The following DHTKD1 variants were observed in gnomAD, a reference collection of about 807,000 sequenced individuals.
DHTKD1 encodes dehydrogenase E1 and transketolase domain containing 1.
A neutral mutation model predicts 101.8 loss-of-function variants in DHTKD1; 78 were observed. The ratio of observed to expected loss-of-function variants is 0.77; its 90% CI spans 0.64 to 0.93. DHTKD1 has a LOEUF of 0.93. Ranked by LOEUF, DHTKD1 falls within the 40% of genes least tolerant of loss-of-function variation. The pLI is 0.00. For missense variants in DHTKD1, 1,223 were observed against 1,161.7 expected (o/e 1.05, Z -0.77); for synonymous variants, 462 against 450.3 (o/e 1.03, Z -0.33).
In DHTKD1 at chr10:12,118,903, T is replaced by A. The variant is rs1361253940; in HGVS notation, c.2557T>A (p.Tyr853Asn). 1 of 1,579,666 alleles carries A rather than the reference T, an allele frequency of 6.3e-7. No homozygotes were observed. Among genetic ancestry groups the A allele is most frequent in the East Asian group, 2.3e-5 (1 of 42,628 alleles). Residue 853 changes from tyrosine to asparagine, a missense_variant, in exon 15 of 17, where the codon TAC becomes AAC. By Grantham distance (143) the Tyr-to-Asn change is moderately radical. Transcript: ENST00000263035. ...TTCTTTACAGCAAGAGATGAGCAAA[T>A]ACAAACATGTTAAAGGTAAGAGGTT... ...LDSLQQEMSK[Y>N]KHVKDHIWSQ...
chr10:12,103,129 A>G lies in DHTKD1; in HGVS notation c.1896+1948A>G, dbSNP rs977557479. 1.3e-5 allele frequency among the ~76,000 whole-genome samples: 2 copies of G among 152,122 alleles called. No individual in the cohort carries two copies. Among genetic ancestry groups the G allele is most frequent in the Non-Finnish European group, 2.9e-5 (2 of 68,028 alleles). ...TCCCAGCTACTCAGGAGGTTGAGGCAGGAGAATTGCTTGAACCCAGGAGGC... is the reference window on the plus strand; with the variant it reads ...TCCCAGCTACTCAGGAGGTTGAGGCGGGAGAATTGCTTGAACCCAGGAGGC... On this transcript the variant is annotated intron_variant, in intron 10 of 16. Coordinates refer to ENST00000263035, the MANE Select transcript of DHTKD1 (RefSeq NM_018706.7). The surrounding 1 kb of genome is among the most constrained non-coding windows in gnomAD (Gnocchi z 4.8).
At chr10:12,119,143 A>G (rs1329903465) in intron 15 of DHTKD1, among the ~76,000 whole-genome samples, 17 of 141,444 alleles carry the variant, frequency 1.2e-4, no homozygotes, top group South Asian at 2.2e-4. Flanking sequence ...CGTCTCTACT[A>G]AAAGTACAAA....
At chr10:12,117,635 T>C in intron 13 of DHTKD1, 38 bp from the exon 14 acceptor site, 1 of 1,244,626 alleles carries the variant, frequency 8.0e-7, no homozygotes, top group Non-Finnish European at 1.2e-6. Flanking sequence ...CACCTCTTTC[T>C]GTTGCTTGCT....
In DHTKD1 at chr10:12,103,782, C is replaced by T. The variant is rs1202525048; in HGVS notation, c.1897-2464C>T. 1.3e-5 allele frequency among the ~76,000 whole-genome samples: 2 copies of T among 152,132 alleles called. No individual in the cohort carries two copies. Among genetic ancestry groups the T allele is most frequent in the Non-Finnish European group, 2.9e-5 (2 of 68,028 alleles). ...CCTCCTGCCTTGGCCTCCCAAAGTG[C>T]TGGGATTATAGATGTGAGCTGCCGT... On this transcript the variant is annotated intron_variant, in intron 10 of 16. Transcript: ENST00000263035. This position sits in a 1 kb window ranked among gnomAD's most constrained non-coding sequence, Gnocchi z 4.8.
intron 10 of DHTKD1, among the ~76,000 whole-genome samples, 155 bp from the exon 11 acceptor site, chr10:12,106,091 G>A (rs571934130): frequency 3.9e-5 from 6 of 152,196 alleles, no homozygotes; most frequent in South Asian, 2.1e-4. Flanking sequence ...GTGAAACTCC[G>A]TCTCAAAAAG....
intron 3 of DHTKD1, among the ~76,000 whole-genome samples, chr10:12,086,566 G>A (rs188658591): frequency 6.6e-6 from 1 of 151,460 alleles, no homozygotes; most frequent in Non-Finnish European, 1.5e-5. Flanking sequence ...CTCATGATCT[G>A]CCCACCTCGG....
At chr10:12,075,188 T>A (rs922302782) in intron 1 of DHTKD1, among the ~76,000 whole-genome samples, 4 of 152,126 alleles carry the variant, frequency 2.6e-5, no homozygotes, top group African/African-American at 9.7e-5. Context: ...TGTTTCTTTT[T>A]CTTTTTTTTG....
intron 7 of DHTKD1, among the ~76,000 whole-genome samples, chr10:12,096,595 C>T (rs775183360): frequency 6.6e-6 from 1 of 152,202 alleles, no homozygotes; most frequent in Non-Finnish European, 1.5e-5. Flanking sequence ...CGCCATCTGC[C>T]CGTCTCGGCC....
rs1193723684 is a variant in DHTKD1 at position 12,097,955 on chromosome 10, G to C, written c.1630G>C (p.Glu544Gln). Residue 544 changes from glutamate to glutamine, a missense_variant, in exon 8 of 17, where the codon GAG (glutamate) becomes CAG (glutamine). Transcript: ENST00000263035. ...VGMKSVEVPRELQMHSHLLKT... is the reference protein window; with the variant it reads ...VGMKSVEVPRQLQMHSHLLKT... Reference sequence around the variant, plus strand: ...CATGAAGTCTGTAGAGGTGCCAAGAGAGCTGCAGATGCACAGTCACCTGCT... The same window carrying C: ...CATGAAGTCTGTAGAGGTGCCAAGACAGCTGCAGATGCACAGTCACCTGCT... 1 of 1,613,628 alleles carries C rather than the reference G, an allele frequency of 6.2e-7. No individual in the cohort carries two copies. The highest frequency in any genetic ancestry group is 1.3e-5 in the African/African-American group (1 of 74,936).
chr10:12,105,820 G>A (rs2131619311), intron 10 of DHTKD1, among the ~76,000 whole-genome samples: 1 of 152,266 alleles, frequency 6.6e-6, no homozygotes, highest in African/African-American at 2.4e-5. Context: ...ATGAGGCCGG[G>A]CGTGGTGGCT....
At chr10:12,091,329 T>C (rs1832986165) in intron 5 of DHTKD1, among the ~76,000 whole-genome samples, 184 bp from the exon 6 acceptor site, 1 of 137,524 alleles carries the variant, frequency 7.3e-6, no homozygotes, top group Admixed American at 8.4e-5. Context: ...GGAGAATCAC[T>C]TGAACCCGGG....
intron 12 of DHTKD1, among the ~76,000 whole-genome samples, 180 bp downstream of exon 12, chr10:12,108,195 G>A (rs1441286001): frequency 1.3e-5 from 2 of 152,124 alleles, no homozygotes; most frequent in African/African-American, 4.8e-5. Context: ...ATTGTATCAC[G>A]GTTTTATGGC....
rs1588621602 is a variant in DHTKD1 at position 12,120,215 on chromosome 10, T to C, written c.2606T>C (p.Met869Thr). ...HIWSQEEPQN[M>T]GPWSFVSPRF... ...TGGAGTCAGGAGGAACCTCAGAACA[T>C]GGGTCCGTGGTCGTTTGTTTCTCCA... The change falls in exon 16 of 17, where the codon ATG (methionine) becomes ACG (threonine). Residue 869 changes from methionine to threonine, a missense_variant. By Grantham distance (81) the Met-to-Thr change is moderately conservative (BLOSUM62 -1). Transcript: ENST00000263035. The C allele has an allele frequency of 1.9e-6, 3 of 1,614,022 alleles. No individual in the cohort carries two copies. Among genetic ancestry groups the C allele is most frequent in the Non-Finnish European group, 2.5e-6 (3 of 1,179,924 alleles).
In DHTKD1 at chr10:12,081,541, CCCT is replaced by C. The variant is rs1564389155; in HGVS notation, c.226_228del (p.Leu76del). Reference sequence around the variant, plus strand: ...GGTCATAAAGCTGCCAAAATCAACCCCCTCTTCACCGGACAAGCCCTGCTGGAG... The same window carrying C: ...GGTCATAAAGCTGCCAAAATCAACCCCTTCACCGGACAAGCCCTGCTGGAG... On this transcript the variant is annotated inframe_deletion, in exon 2 of 17. Transcript: ENST00000263035. 6.2e-7 allele frequency: 1 copy of C among 1,614,122 alleles called. No individual in the cohort carries two copies. The highest frequency in any genetic ancestry group is 8.5e-7 in the Non-Finnish European group (1 of 1,180,016).
Position 12,121,053 on chromosome 10 carries a change from C to A in DHTKD1, c.*165C>A. 2.0e-6 allele frequency: 1 copy of A among 500,900 alleles called. No homozygotes were observed. 31.0% of individuals were successfully genotyped at this position (500,900 alleles called of 1,614,324 possible). A position where few individuals can be genotyped will look rare whatever the true frequency, so the allele number is the denominator to read the frequency against. On this transcript the variant is annotated 3_prime_UTR_variant, in exon 17 of 17. Coordinates refer to ENST00000263035, the MANE Select transcript of DHTKD1 (RefSeq NM_018706.7). ...TGGCCAACACGGTGAAACCCCGCCT[C>A]TACTAAAAATACAAAAAATAGCCGG... is the stretch of plus-strand genomic sequence containing the variant.
At chr10:12,071,766 G>A (rs1832654113) in intron 1 of DHTKD1, among the ~76,000 whole-genome samples, 1 of 152,154 alleles carries the variant, frequency 6.6e-6, no homozygotes, top group African/African-American at 2.4e-5. Flanking sequence ...GTCCTCAGGT[G>A]AAATGCTTGC....
At chr10:12,083,950 C>A (rs773025297) in intron 2 of DHTKD1, among the ~76,000 whole-genome samples, 2 of 151,526 alleles carry the variant, frequency 1.3e-5, no homozygotes, top group Admixed American at 6.6e-5. Context: ...TGGGACAGAG[C>A]CTTGCTCTGT....
intron 5 of DHTKD1, among the ~76,000 whole-genome samples, chr10:12,090,505 T>C (rs1484160826): frequency 2.0e-5 from 3 of 151,072 alleles, no homozygotes; most frequent in African/African-American, 7.3e-5. Flanking sequence ...TCTTTCAAGA[T>C]GGGTTCTCAA....
At position 12,110,618 on chromosome 10, in the gene DHTKD1, G is replaced by A. The variant is rs1833315549; in HGVS notation, c.2155-2282G>A. Reference sequence around the variant, plus strand: ...TTGAATCAAGCTAATTACCAGACCCGTCACCTCACATACTCACCATTTTTG... The same window carrying A: ...TTGAATCAAGCTAATTACCAGACCCATCACCTCACATACTCACCATTTTTG... On this transcript the variant is annotated intron_variant, in intron 12 of 16. Transcript: ENST00000263035. The surrounding 1 kb of genome is among the most constrained non-coding windows in gnomAD (Gnocchi z 4.9). Among the ~76,000 whole-genome samples, 1 of 152,002 alleles carries A rather than the reference G, an allele frequency of 6.6e-6. No homozygotes were observed. Among genetic ancestry groups the A allele is most frequent in the African/African-American group, 2.4e-5 (1 of 41,384 alleles).
Sources: allele counts gnomAD v4.1 joint callset (sites outside exome capture counted in the v4.1 genomes callset), GRCh38; gene constraint gnomAD v4.1.1; non-coding constraint Gnocchi (gnomAD v3.1); transcripts MANE v1.5; gene names NCBI Gene and HGNC (gene_info 2026-07-23, HGNC 2026-07-21).